The following EXT1 variants were observed in gnomAD, a reference collection of about 807,000 sequenced individuals.
EXT1 encodes exostosin-1.
In EXT1, 20 loss-of-function variants were observed where a neutral mutation model predicts 82.5. The ratio of observed to expected loss-of-function variants is 0.24; its 90% CI spans 0.17 to 0.35. The LOEUF is 0.35. Among genes scored for constraint, EXT1 ranks in the 10% least tolerant of loss-of-function variants. The pLI is 1.00. For missense variants in EXT1, 757 were observed against 936.5 expected (o/e 0.81, Z 2.50); for synonymous variants, 348 against 350.8 (o/e 0.99, Z 0.09).
intron 1 of EXT1, among the ~76,000 whole-genome samples, chr8:117,921,849 T>G (rs1299495046): frequency 6.6e-6 from 1 of 152,260 alleles, no homozygotes; most frequent in Non-Finnish European, 1.5e-5. Context: ...TTATCCTTGA[T>G]TGTAATGTTT....
At chr8:117,953,698 T>C (rs1489969014) in intron 1 of EXT1, among the ~76,000 whole-genome samples, 1 of 152,064 alleles carries the variant, frequency 6.6e-6, no homozygotes, top group African/African-American at 2.4e-5. Flanking sequence ...TCCCATTCTT[T>C]AACATTTCTT....
At chr8:117,876,021 T>C (rs899769768) in intron 1 of EXT1, among the ~76,000 whole-genome samples, 3 of 152,202 alleles carry the variant, frequency 2.0e-5, no homozygotes, top group African/African-American at 7.2e-5. Context: ...GCAACAAATA[T>C]TCTGAGCACC....
chr8:117,832,537 A>G (rs1812119397), intron 3 of EXT1, among the ~76,000 whole-genome samples: 1 of 152,016 alleles, frequency 6.6e-6, no homozygotes, highest in East Asian at 1.9e-4. Flanking sequence ...AAAAAAGAAA[A>G]GAAAAGAAAA....
At chr8:118,022,830 T>A (rs1816133411) in intron 1 of EXT1, among the ~76,000 whole-genome samples, 1 of 152,168 alleles carries the variant, frequency 6.6e-6, no homozygotes, top group African/African-American at 2.4e-5. Flanking sequence ...GTATGTTCTA[T>A]CATTTATGGA....
At chr8:118,006,815 G>A (rs1815785329) in intron 1 of EXT1, among the ~76,000 whole-genome samples, 2 of 152,108 alleles carry the variant, frequency 1.3e-5, no homozygotes, top group African/African-American at 4.8e-5. Context: ...AGAGTGGCCT[G>A]AGGCAAAAAA....
chr8:117,967,562 T>C (rs1172549348), intron 1 of EXT1, among the ~76,000 whole-genome samples: 1 of 152,166 alleles, frequency 6.6e-6, no homozygotes, highest in Admixed American at 6.5e-5. Flanking sequence ...AAACAAACTT[T>C]GGGGGAAAAA....
At chr8:118,069,327 G>T (rs1817046563) in intron 1 of EXT1, among the ~76,000 whole-genome samples, 2 of 152,144 alleles carry the variant, frequency 1.3e-5, no homozygotes, top group Admixed American at 1.3e-4. Flanking sequence ...TCTCACTCTA[G>T]CAGTGTGAAT....
chr8:118,042,742 TACA>T (rs1816555734), intron 1 of EXT1, among the ~76,000 whole-genome samples: 1 of 152,196 alleles, frequency 6.6e-6, no homozygotes, highest in African/African-American at 2.4e-5. Flanking sequence ...ACCAAGTTCG[TACA>T]ACACCATGTC....
intron 1 of EXT1, among the ~76,000 whole-genome samples, chr8:117,919,330 C>A (rs904117875): frequency 1.3e-5 from 2 of 151,628 alleles, no homozygotes; most frequent in African/African-American, 4.9e-5. Context: ...GCACTACAGG[C>A]ATTACACCAC....
At chr8:117,876,078 T>C (rs1004401677) in intron 1 of EXT1, among the ~76,000 whole-genome samples, 1 of 152,178 alleles carries the variant, frequency 6.6e-6, no homozygotes, top group African/African-American at 2.4e-5. Context: ...TAGAGATAAA[T>C]AATATTCAGG....
intron 1 of EXT1, among the ~76,000 whole-genome samples, chr8:118,041,388 C>T (rs895259821): frequency 3.3e-5 from 5 of 152,070 alleles, no homozygotes; most frequent in African/African-American, 1.2e-4. Flanking sequence ...TAGTAAGTGC[C>T]AGGCACCTTT....
intron 1 of EXT1, among the ~76,000 whole-genome samples, chr8:117,844,746 C>T (rs1450137250): frequency 6.6e-6 from 1 of 152,156 alleles, no homozygotes; most frequent in Non-Finnish European, 1.5e-5. Context: ...TGCTATAGTA[C>T]AAATGAGCTA....
chr8:118,088,697 TTC>T (rs1817471275), intron 1 of EXT1, among the ~76,000 whole-genome samples: 1 of 151,856 alleles, frequency 6.6e-6, no homozygotes, highest in Non-Finnish European at 1.5e-5. Flanking sequence ...TTTTTTTTTT[TTC>T]CTCTGCTTTT....
intron 1 of EXT1, among the ~76,000 whole-genome samples, chr8:118,028,309 A>C (rs1013649735): frequency 6.6e-6 from 1 of 152,244 alleles, no homozygotes; most frequent in Admixed American, 6.5e-5. Flanking sequence ...AATTCTTTCC[A>C]AAACATATTT....
chr8:117,817,411 TG>T (rs1156677845), intron 7 of EXT1, among the ~76,000 whole-genome samples: 3 of 152,110 alleles, frequency 2.0e-5, no homozygotes, highest in Non-Finnish European at 4.4e-5. Context: ...CCTGACCCCT[TG>T]GGGACTGACA....
intron 1 of EXT1, among the ~76,000 whole-genome samples, chr8:118,030,780 C>A (rs922931615): frequency 6.6e-6 from 1 of 152,144 alleles, no homozygotes; most frequent in Non-Finnish European, 1.5e-5. Context: ...CCGTGCCTGG[C>A]CAGTTAGAGG....
rs1343159614 is a variant in EXT1, at chr8:117,968,719, A to G, written c.963-131518T>C. On this transcript the variant is annotated intron_variant, in intron 1 of 10. Coordinates refer to ENST00000378204, the MANE Select transcript of EXT1 (RefSeq NM_000127.3). ...CGAGTAGCTGGGACTATAGGCGCCC[A>G]CCACGACGCCCGGCTAATTTTTTGT... is the stretch of plus-strand genomic sequence containing the variant. 5.8e-5 allele frequency among the ~76,000 whole-genome samples: 6 copies of G among 103,880 alleles called. No homozygotes were observed. In the East Asian group the frequency reaches 1.1e-3, roughly 19 times the overall value. 68.1% of individuals were successfully genotyped at this position (103,880 alleles called of 152,430 possible).
Position 118,051,741 on chromosome 8 carries a change from A to T in EXT1, c.962+58344T>A, listed in dbSNP as rs1300536239. Among the ~76,000 whole-genome samples, 5 of 150,844 alleles carry T rather than the reference A, an allele frequency of 3.3e-5. No individual in the cohort carries two copies. In the Admixed American group the frequency reaches 3.3e-4, roughly 10 times the overall value. ...CTGGTCAGTTGCTTCAGGTAAACCC[A>T]ATCAGCTATAAACACTACGCTAACA... On this transcript the variant is annotated intron_variant, in intron 1 of 10. Coordinates refer to ENST00000378204, the MANE Select transcript of EXT1 (RefSeq NM_000127.3).
chr8:118,100,391 A>G lies in EXT1; in HGVS notation c.962+9694T>C, dbSNP rs192147176. ...CTGAACCGGCCGAGGGAGGCTTCCCAGTAGCTGAGCTCCACTCACACACGG... is the reference window on the plus strand; with the variant it reads ...CTGAACCGGCCGAGGGAGGCTTCCCGGTAGCTGAGCTCCACTCACACACGG... On this transcript the variant is annotated intron_variant, in intron 1 of 10. Transcript: ENST00000378204. 5.7e-3 allele frequency among the ~76,000 whole-genome samples: 869 copies of G among 152,262 alleles called. 9 individuals carry two copies. The highest frequency in any genetic ancestry group is 0.019 in the African/African-American group (782 of 41,546).
Sources: gnomAD v4.1 joint callset for allele counts (sites outside exome capture counted in the v4.1 genomes callset) on GRCh38, gnomAD v4.1.1 for gene constraint, MANE v1.5 for transcripts, NCBI Gene and HGNC (gene_info 2026-07-23, HGNC 2026-07-21) for gene names.